The following ATP2B2 variants were observed in gnomAD, a reference collection of about 807,000 sequenced individuals.
ATP2B2 encodes plasma membrane calcium-transporting ATPase 2.
A neutral mutation model predicts 120.0 loss-of-function variants in ATP2B2; 15 were observed. That is an observed-to-expected ratio of 0.12 (90% CI 0.08 to 0.19). The LOEUF (loss-of-function observed/expected upper bound fraction) is 0.19. Ranked by LOEUF, ATP2B2 falls within the 10% of genes least tolerant of loss-of-function variation. ATP2B2 has a pLI of 1.00. For synonymous variants in ATP2B2, 694 were observed against 700.3 expected (o/e 0.99, Z 0.14); for missense variants, 1,045 against 1,719.8 (o/e 0.61, Z 6.94).
intron 1 of ATP2B2, among the ~76,000 whole-genome samples, chr3:10,688,674 C>A (rs140096399): frequency 6.6e-6 from 1 of 152,194 alleles, no homozygotes; most frequent in Non-Finnish European, 1.5e-5. Flanking sequence ...ATGTCTCCTG[C>A]GCCAGGCCTC....
intron 2 of ATP2B2, among the ~76,000 whole-genome samples, chr3:10,547,954 G>A (rs914140901): frequency 2.0e-5 from 3 of 152,200 alleles, no homozygotes; most frequent in Admixed American, 1.3e-4. Flanking sequence ...ATGGCATTTG[G>A]GAGGAGCACT....
intron 1 of ATP2B2, among the ~76,000 whole-genome samples, chr3:10,484,829 C>T (rs2065574178): frequency 6.6e-6 from 1 of 152,266 alleles, no homozygotes; most frequent in African/African-American, 2.4e-5. Context: ...AGCAATGAGT[C>T]TGTGTCCTAC....
At position 10,340,114 on chromosome 3, in the gene ATP2B2, A is replaced by G. The variant is rs2060232123; in HGVS notation, c.3237+128T>C. ...ACCTGGGACAAACCCCCTTGCTCAG[A>G]TGTCCAGAGATAGGGAGGAGCTTGC... On this transcript the variant is annotated intron_variant, in intron 21 of 22. Coordinates refer to ENST00000360273, the MANE Select transcript of ATP2B2 (RefSeq NM_001001331.4). The surrounding 1 kb of genome is among the most constrained non-coding windows in gnomAD (Gnocchi z 5.0). 1 of 855,000 alleles carries G rather than the reference A, an allele frequency of 1.2e-6. No homozygotes were observed. Among genetic ancestry groups the G allele is most frequent in the Non-Finnish European group, 1.9e-6 (1 of 523,494 alleles). The allele number at this position is 855,000 out of a possible 1,614,324, so 53.0% of individuals were successfully genotyped here. A position where few individuals can be genotyped will look rare whatever the true frequency, so the allele number is the denominator to read the frequency against.
intron 2 of ATP2B2, among the ~76,000 whole-genome samples, chr3:10,448,762 C>G (rs1395908470): frequency 6.6e-6 from 1 of 152,206 alleles, no homozygotes; most frequent in Non-Finnish European, 1.5e-5. Flanking sequence ...CAACCAGAGT[C>G]TGGATTTGAG....
At chr3:10,442,553 CAT>C (rs1491079868) in intron 2 of ATP2B2, among the ~76,000 whole-genome samples, 7 of 152,220 alleles carry the variant, frequency 4.6e-5, no homozygotes, top group African/African-American at 1.4e-4. Context: ...AGCATCCACA[CAT>C]GATTCATTGG....
At position 10,546,692 on chromosome 3, in the gene ATP2B2, T is replaced by A. The variant is rs540336283; in HGVS notation, c.-414-12559A>T. Reference sequence around the variant, plus strand: ...CCAAAGTCCCACCACCATATATTCATCTTCCTCTGAGAGGCCACTAGCCTG... The same window carrying A: ...CCAAAGTCCCACCACCATATATTCAACTTCCTCTGAGAGGCCACTAGCCTG... On this transcript the variant is annotated intron_variant, in intron 2 of 21. Coordinates refer to the ATP2B2 transcript ENST00000646379. Among the ~76,000 whole-genome samples the A allele has an allele frequency of 9.2e-5, 14 of 152,318 alleles. 1 individual carries two copies. In the South Asian group the frequency reaches 2.9e-3, roughly 32 times the overall value.
intron 19 of ATP2B2, among the ~76,000 whole-genome samples, chr3:10,341,200 C>T (rs956568853): frequency 1.3e-5 from 2 of 152,182 alleles, no homozygotes; most frequent in Non-Finnish European, 2.9e-5. Context: ...GCTAGGCTGG[C>T]TCTGGACCCT....
Position 10,329,418 on chromosome 3 carries a change from G to A in ATP2B2, c.3421-293C>T, listed in dbSNP as rs1018320481. Among the ~76,000 whole-genome samples, 7 of 152,086 alleles carry A rather than the reference G, an allele frequency of 4.6e-5. No homozygotes were observed. The highest frequency in any genetic ancestry group is 1.7e-4 in the African/African-American group (7 of 41,394). On this transcript the variant is annotated intron_variant, in intron 22 of 22. Coordinates refer to ENST00000360273, the MANE Select transcript of ATP2B2 (RefSeq NM_001001331.4). This position sits in a 1 kb window ranked among gnomAD's most constrained non-coding sequence, Gnocchi z 5.9. ...AGATGATGGGGAACAGTGGTTAAAG[G>A]AAGCACAGTCGACTCCTGCGGGCAC...
At position 10,559,506 on chromosome 3, in the gene ATP2B2, T is replaced by C. The variant is rs573021448; in HGVS notation, c.-414-25373A>G. Among the ~76,000 whole-genome samples, 9 of 152,140 alleles carry C rather than the reference T, an allele frequency of 5.9e-5. No individual in the cohort carries two copies. In the South Asian group the frequency reaches 1.2e-3, roughly 21 times the overall value. ...CTCTGTACTCCATAAATATGTACAATTATTGTGTGTCCACTAAAAAGAAAA... is the reference window on the plus strand; with the variant it reads ...CTCTGTACTCCATAAATATGTACAACTATTGTGTGTCCACTAAAAAGAAAA... On this transcript the variant is annotated intron_variant, in intron 2 of 21. Coordinates refer to the ATP2B2 transcript ENST00000646379.
rs1045750533 is a variant in ATP2B2 at position 10,642,248 on chromosome 3, G to A, written c.-459-22287C>T. On this transcript the variant is annotated intron_variant, in intron 1 of 21. Transcript: ENST00000646379. Reference sequence around the variant, plus strand: ...ATAGGGAGGATGAAAGTAGGGTTTCGAGGATTAGAACAGTCTATTCATGTA... The same window carrying A: ...ATAGGGAGGATGAAAGTAGGGTTTCAAGGATTAGAACAGTCTATTCATGTA... Among the ~76,000 whole-genome samples, 7 of 152,302 alleles carry A rather than the reference G, an allele frequency of 4.6e-5. No individual in the cohort carries two copies. In the South Asian group the frequency reaches 1.0e-3, roughly 23 times the overall value.
chr3:10,657,434 T>C (rs1028544488), intron 1 of ATP2B2, among the ~76,000 whole-genome samples: 1 of 152,230 alleles, frequency 6.6e-6, no homozygotes, highest in African/African-American at 2.4e-5. Context: ...TCCCTCTGCC[T>C]TTGGAGGCAA....
At chr3:10,584,648 GA>G (rs2068466126) in intron 2 of ATP2B2, among the ~76,000 whole-genome samples, 1 of 152,174 alleles carries the variant, frequency 6.6e-6, no homozygotes, top group South Asian at 2.1e-4. Flanking sequence ...ACTGCTTGCA[GA>G]AGCTGCATTC....
chr3:10,388,138 A>C, intron 6 of ATP2B2, 139 bp downstream of exon 6: 1 of 1,279,428 alleles, frequency 7.8e-7, no homozygotes, highest in East Asian at 2.4e-5. Context: ...GCAGGCCTTA[A>C]GGATGCAGGA....
chr3:10,387,287 C>T (rs1466575527), intron 6 of ATP2B2, among the ~76,000 whole-genome samples: 1 of 152,180 alleles, frequency 6.6e-6, no homozygotes, highest in Admixed American at 6.5e-5. Context: ...TTAGGGGACC[C>T]CCTAGAAAAT....
upstream of ATP2B2, among the ~76,000 whole-genome samples, chr3:10,507,112 C>T (rs924735288): frequency 5.3e-5 from 8 of 152,062 alleles, no homozygotes; most frequent in Non-Finnish European, 8.8e-5. Context: ...TGCGAAGCTA[C>T]GATGTCAAGG....
chr3:10,593,761 G>A (rs1242236779), intron 2 of ATP2B2, among the ~76,000 whole-genome samples: 5 of 152,174 alleles, frequency 3.3e-5, no homozygotes, highest in Middle Eastern at 3.4e-3. Context: ...AGAAACTACC[G>A]TCAGAGTGAA....
At chr3:10,577,691 C>T (rs2068285933) in intron 2 of ATP2B2, among the ~76,000 whole-genome samples, 2 of 152,178 alleles carry the variant, frequency 1.3e-5, no homozygotes, top group Non-Finnish European at 2.9e-5. Flanking sequence ...TGCCAGCTCC[C>T]AAAAGAACAA....
In ATP2B2 at chr3:10,410,602, C is replaced by T; in HGVS notation, c.397+16G>A. ...CAGGTGTGCGGGGCGGTTCGTGGGT[C>T]TGAGGCCCATCTTACCTTCGTTGCC... On this transcript the variant is annotated intron_variant, in intron 3 of 22. Coordinates refer to ENST00000360273, the MANE Select transcript of ATP2B2 (RefSeq NM_001001331.4). 2 of 1,595,940 alleles carry T rather than the reference C, an allele frequency of 1.3e-6. No homozygotes were observed. The highest frequency in any genetic ancestry group is 1.7e-6 in the Non-Finnish European group (2 of 1,168,842).
intron 2 of ATP2B2, among the ~76,000 whole-genome samples, chr3:10,574,336 G>C (rs948024827): frequency 6.6e-6 from 1 of 152,154 alleles, no homozygotes; most frequent in Admixed American, 6.5e-5. Context: ...GCTGTGCCCC[G>C]GGAGGCCCCC....
Sources: gnomAD v4.1 joint callset for allele counts (sites outside exome capture counted in the v4.1 genomes callset) on GRCh38, gnomAD v4.1.1 for gene constraint, Gnocchi (gnomAD v3.1) non-coding constraint, MANE v1.5 for transcripts, NCBI Gene and HGNC (gene_info 2026-07-23, HGNC 2026-07-21) for gene names.